The following UTRN variants were observed in gnomAD, a reference collection of about 807,000 sequenced individuals.
UTRN encodes utrophin.
Under a neutral mutation model 463.9 loss-of-function variants are expected in UTRN, and 283 were observed. The ratio of observed to expected loss-of-function variants is 0.61; its 90% CI spans 0.55 to 0.67. UTRN has a LOEUF of 0.67. Ranked by LOEUF, UTRN falls within the 30% of genes least tolerant of loss-of-function variation. The probability of loss-of-function intolerance (pLI) is 0.00; values close to 1 mark genes in which losing one functional copy is unlikely to be tolerated. For missense variants in UTRN, 3,922 were observed against 4,084.3 expected (o/e 0.96, Z 1.08); for synonymous variants, 1,442 against 1,431.5 (o/e 1.01, Z -0.17).
Position 144,444,269 on chromosome 6 carries a change from T to C in UTRN, c.1513-12T>C. The C allele has an allele frequency of 3.1e-6, 5 of 1,606,104 alleles. No homozygotes were observed. In the South Asian group the frequency reaches 4.4e-5, roughly 14 times the overall value. ...GGCTGTGTTGACAAAGGATGGTTTCTCCTTTTTCTAGAAACTTGGTGAGCG... is the reference window on the plus strand; with the variant it reads ...GGCTGTGTTGACAAAGGATGGTTTCCCCTTTTTCTAGAAACTTGGTGAGCG... On this transcript the variant is annotated splice_polypyrimidine_tract_variant and intron_variant, in intron 13 of 74. Coordinates refer to ENST00000367545, the MANE Select transcript of UTRN (RefSeq NM_007124.3).
intron 34 of UTRN, among the ~76,000 whole-genome samples, chr6:144,505,205 A>G (rs1794593948): frequency 6.6e-6 from 1 of 152,086 alleles, no homozygotes; most frequent in African/African-American, 2.4e-5. Flanking sequence ...ATCTTTTCAA[A>G]AAACCAGCTC....
chr6:144,489,100 A>G (rs1195913470), intron 30 of UTRN, among the ~76,000 whole-genome samples: 1 of 151,862 alleles, frequency 6.6e-6, no homozygotes, highest in Non-Finnish European at 1.5e-5. Flanking sequence ...CCCAGGCTGG[A>G]GTGCAGTGGC....
intron 51 of UTRN, among the ~76,000 whole-genome samples, chr6:144,637,971 C>T (rs1777361311): frequency 6.6e-6 from 1 of 152,186 alleles, no homozygotes; most frequent in Non-Finnish European, 1.5e-5. Context: ...AATTATGGCT[C>T]ATAGAAGAGA....
At chr6:144,517,614 A>G (rs1222940415) in intron 39 of UTRN, among the ~76,000 whole-genome samples, 1 of 152,182 alleles carries the variant, frequency 6.6e-6, no homozygotes, top group Non-Finnish European at 1.5e-5. Flanking sequence ...TGACTTTGGA[A>G]ATTAAGTAGA....
chr6:144,786,451 A>C (rs1347408369), intron 61 of UTRN, among the ~76,000 whole-genome samples: 2 of 152,010 alleles, frequency 1.3e-5, no homozygotes, highest in African/African-American at 4.8e-5. Context: ...ACGCCCAGCT[A>C]ATTTTTGTAT....
rs148833405 is a variant in UTRN, at chr6:144,710,072, C to G, written c.7809+9829C>G. ...CCTCAGTGATATATTTTAATAATTC[C>G]TATTACTAAAAGCCCTGTGCTTGTG... On this transcript the variant is annotated intron_variant, in intron 53 of 74. Coordinates refer to ENST00000367545, the MANE Select transcript of UTRN (RefSeq NM_007124.3). 2.0e-3 allele frequency among the ~76,000 whole-genome samples: 299 copies of G among 152,252 alleles called. 4 individuals are homozygous for G. Among genetic ancestry groups the G allele is most frequent in the African/African-American group, 7.0e-3 (289 of 41,538 alleles).
At chr6:144,451,267 TA>T in intron 17 of UTRN, 102 bp from the exon 18 acceptor site, 1 of 1,383,690 alleles carries the variant, frequency 7.2e-7, no homozygotes, top group East Asian at 2.4e-5. Context: ...GGGGGAGTGA[TA>T]AAAAGACATA....
At chr6:144,403,967 A>G (rs12197393) in intron 3 of UTRN, among the ~76,000 whole-genome samples, 33,568 of 152,136 alleles carry the variant, frequency 0.22, 3,894 homozygotes, top group South Asian at 0.33. Context: ...AATAGTATAA[A>G]AGCTATTTTA....
chr6:144,774,421 T>C (rs1248186233), intron 60 of UTRN, 57 bp downstream of exon 60: 22 of 1,448,528 alleles, frequency 1.5e-5, no homozygotes, highest in African/African-American at 4.3e-5. Flanking sequence ...TTTTTTTTTT[T>C]CCAAGAGGAA....
At position 144,578,860 on chromosome 6, in the gene UTRN, G is replaced by T. The variant is rs368640454; in HGVS notation, c.7479+1572G>T. Among the ~76,000 whole-genome samples the T allele has an allele frequency of 1.1e-4, 17 of 152,274 alleles. No homozygotes were observed. The South Asian group carries it at 1.2e-3, about 11-fold the overall frequency. ...CTCTTTTCTCTGAAAACATGAAAAA[G>T]ACCATTTTGTAAAATGTCAACAAAT... On this transcript the variant is annotated intron_variant, in intron 51 of 74. Coordinates refer to ENST00000367545, the MANE Select transcript of UTRN (RefSeq NM_007124.3).
intron 66 of UTRN, among the ~76,000 whole-genome samples, chr6:144,824,699 C>G (rs1475207929): frequency 1.1e-4 from 14 of 123,406 alleles, no homozygotes; most frequent in Non-Finnish European, 4.8e-5. Context: ...AGCTCACTGT[C>G]TCATTGCAGC....
At chr6:144,464,920 T>C (rs1789786704) in intron 23 of UTRN, among the ~76,000 whole-genome samples, 1 of 152,192 alleles carries the variant, frequency 6.6e-6, no homozygotes, top group Non-Finnish European at 1.5e-5. Context: ...GGTCCCAGCA[T>C]TGTATTATCA....
intron 50 of UTRN, among the ~76,000 whole-genome samples, chr6:144,564,217 G>A (rs562438027): frequency 2.0e-5 from 3 of 152,248 alleles, no homozygotes; most frequent in East Asian, 3.9e-4. Flanking sequence ...TTGTTTTGGA[G>A]GTAAGAGAAA....
chr6:144,740,859 A>G (rs1320387856), intron 54 of UTRN, among the ~76,000 whole-genome samples: 1 of 152,230 alleles, frequency 6.6e-6, no homozygotes, highest in Non-Finnish European at 1.5e-5. Context: ...AGCATTTTCA[A>G]TTAATTGTTT....
chr6:144,371,895 C>G (rs1382416594), intron 2 of UTRN, among the ~76,000 whole-genome samples: 1 of 152,118 alleles, frequency 6.6e-6, no homozygotes. Context: ...TAGGCCTCCA[C>G]CTAACAAAAC....
Position 144,803,583 on chromosome 6 carries a change from A to G in UTRN, c.9357+436A>G, listed in dbSNP as rs543895522. 1.9e-4 allele frequency among the ~76,000 whole-genome samples: 29 copies of G among 152,002 alleles called. No individual in the cohort carries two copies. The South Asian group carries it at 5.4e-3, about 28-fold the overall frequency. On this transcript the variant is annotated intron_variant, in intron 65 of 74. Transcript: ENST00000367545. ...TCCATATCTCTGGTTTTAAGATTCT[A>G]TTTATATTTATATTTATGTATCTTT...
chr6:144,523,720 T>C (rs1027622692), intron 41 of UTRN, among the ~76,000 whole-genome samples: 2 of 152,266 alleles, frequency 1.3e-5, no homozygotes, highest in Non-Finnish European at 2.9e-5. Flanking sequence ...GAAGCACTTC[T>C]AATTTTTAGT....
chr6:144,570,779 T>C (rs1216514739), intron 50 of UTRN, among the ~76,000 whole-genome samples: 1 of 152,160 alleles, frequency 6.6e-6, no homozygotes, highest in East Asian at 1.9e-4. Context: ...CTTAGCTCAC[T>C]TTTCCTTTGA....
At chr6:144,680,970 T>A (rs1270908314) in intron 52 of UTRN, among the ~76,000 whole-genome samples, 1 of 152,148 alleles carries the variant, frequency 6.6e-6, no homozygotes, top group African/African-American at 2.4e-5. Flanking sequence ...CCTTCCATTG[T>A]GGATGGAATT....
Sources: allele counts gnomAD v4.1 joint callset (sites outside exome capture counted in the v4.1 genomes callset), GRCh38; gene constraint gnomAD v4.1.1; transcripts MANE v1.5; gene names NCBI Gene and HGNC (gene_info 2026-07-23, HGNC 2026-07-21).